Variants in LRFN5 observed in about 807,000 individuals in gnomAD.
LRFN5 encodes leucine rich repeat and fibronectin type III domain containing 5.
LRFN5 carries 24 observed loss-of-function variants against 45.6 expected under a neutral mutation model. That is an observed-to-expected ratio of 0.53 (90% CI 0.38 to 0.74). LRFN5 has a LOEUF of 0.74. LRFN5 is among the 30% of genes least tolerant of loss of function. LRFN5 has a pLI of 0.00. For missense variants in LRFN5, 776 were observed against 861.5 expected, an observed-to-expected ratio of 0.90 and a Z score of 1.24; for synonymous variants, 340 against 313.8, an observed-to-expected ratio of 1.08 and a Z score of -0.88.
chr14:41,689,499 GAAAT>G (rs1490513476), intron 1 of LRFN5, among the ~76,000 whole-genome samples: 5 of 152,186 alleles, frequency 3.3e-5, no homozygotes, highest in Admixed American at 1.3e-4. Context: ...TGACTTAGAT[GAAAT>G]AAATAAATTC....
At chr14:41,657,701 C>T (rs1389918495) in intron 1 of LRFN5, among the ~76,000 whole-genome samples, 1 of 151,898 alleles carries the variant, frequency 6.6e-6, no homozygotes, top group East Asian at 1.9e-4. Flanking sequence ...ACCAAACTAA[C>T]GTACATACCC....
At chr14:41,833,018 C>G (rs1441275288) in intron 2 of LRFN5, among the ~76,000 whole-genome samples, 1 of 152,134 alleles carries the variant, frequency 6.6e-6, no homozygotes, top group Non-Finnish European at 1.5e-5. Flanking sequence ...ATATATTCAA[C>G]CTGTGACCAG....
chr14:41,668,532 C>G (rs2138652746), intron 1 of LRFN5, among the ~76,000 whole-genome samples: 1 of 152,150 alleles, frequency 6.6e-6, no homozygotes, highest in East Asian at 1.9e-4. Flanking sequence ...CCTGGGTCAG[C>G]AAAATCCTCT....
chr14:41,760,310 C>T lies in LRFN5; in HGVS notation c.-196-6544C>T, dbSNP rs911699387. Among the ~76,000 whole-genome samples, 3 of 152,104 alleles carry T rather than the reference C, an allele frequency of 2.0e-5. No individual in the cohort carries two copies. The East Asian group carries it at 5.8e-4, about 29-fold the overall frequency. ...CTATGTTGCGTAGGCTGGGCTTGTT[C>T]TACTGGGCTCAAGCAGTCTTGCCAC... On this transcript the variant is annotated intron_variant, in intron 1 of 5. Coordinates refer to ENST00000298119, the MANE Select transcript of LRFN5 (RefSeq NM_152447.5).
In LRFN5 at chr14:41,760,163, A is replaced by G. The variant is rs1321090663; in HGVS notation, c.-196-6691A>G. ...GTAGGTATACATGAACACAGTAAAA[A>G]TACGGAAAAGTTCAGTTAACATGAT... On this transcript the variant is annotated intron_variant, in intron 1 of 5. Coordinates refer to ENST00000298119, the MANE Select transcript of LRFN5 (RefSeq NM_152447.5). Among the ~76,000 whole-genome samples, 3 of 152,234 alleles carry G rather than the reference A, an allele frequency of 2.0e-5. No homozygotes were observed. The East Asian group carries it at 5.8e-4, about 29-fold the overall frequency.
At chr14:41,697,672 TAGG>T (rs1882671537) in intron 1 of LRFN5, among the ~76,000 whole-genome samples, 1 of 151,252 alleles carries the variant, frequency 6.6e-6, no homozygotes, top group Non-Finnish European at 1.5e-5. Flanking sequence ...TTTTTTTTGA[TAGG>T]AGAGTTTCTT....
chr14:41,803,050 C>T (rs774592415), intron 2 of LRFN5, among the ~76,000 whole-genome samples: 2 of 152,102 alleles, frequency 1.3e-5, no homozygotes, highest in Non-Finnish European at 2.9e-5. Context: ...AAGTGAAGCT[C>T]TTGACCTATA....
rs746771392 is a variant in LRFN5, at chr14:41,887,223, T to C, written c.598T>C (p.Leu200=). 4 of 1,614,172 alleles carry C rather than the reference T, an allele frequency of 2.5e-6. No individual in the cohort carries two copies. Among genetic ancestry groups the C allele is most frequent in the Non-Finnish European group, 3.4e-6 (4 of 1,180,036 alleles). ...TFSHLHKMTR[L]DVTSNKLQKL... ...CTCCCATTTGCACAAGATGACTCGG[T>C]TAGATGTGACATCAAATAAATTGCA... Residue 200 remains leucine, a synonymous_variant, in exon 3 of 6, where the codon TTA becomes CTA. Coordinates refer to ENST00000298119, the MANE Select transcript of LRFN5 (RefSeq NM_152447.5). The surrounding 1 kb of genome is among the most constrained non-coding windows in gnomAD (Gnocchi z 4.8).
rs776397599 is a variant in LRFN5, at chr14:41,904,209, T to A, written c.*34T>A. 2 of 1,609,476 alleles carry A rather than the reference T, an allele frequency of 1.2e-6. No individual in the cohort carries two copies. Among genetic ancestry groups the A allele is most frequent in the East Asian group, 2.2e-5 (1 of 44,804 alleles). On this transcript the variant is annotated 3_prime_UTR_variant, in exon 6 of 6. Coordinates refer to ENST00000298119, the MANE Select transcript of LRFN5 (RefSeq NM_152447.5). ...ACTTCTCCTCTCTCTCCTGAAAAAA[T>A]TTGCCACTGATATTTTTACTGGATA...
intron 2 of LRFN5, among the ~76,000 whole-genome samples, chr14:41,803,220 C>A (rs1395153570): frequency 6.6e-6 from 1 of 152,124 alleles, no homozygotes; most frequent in Non-Finnish European, 1.5e-5. Context: ...CATTAAGATT[C>A]TTTTGATAGC....
chr14:41,885,980 C>A (rs1890555470), intron 2 of LRFN5, among the ~76,000 whole-genome samples: 1 of 132,316 alleles, frequency 7.6e-6, no homozygotes, highest in Admixed American at 8.7e-5. Context: ...AAGATCACGC[C>A]ACTGCACTGC....
rs142227593 is a variant in LRFN5, at chr14:41,662,674, A to G, written c.-197+54112A>G. 2.0e-5 allele frequency among the ~76,000 whole-genome samples: 3 copies of G among 152,094 alleles called. No homozygotes were observed. In the East Asian group the frequency reaches 5.8e-4, roughly 30 times the overall value. ...GGAAAATCAGCTGTACATGGAGTAG[A>G]GGAGAGTGTAAACTACCTGGAACCC... On this transcript the variant is annotated intron_variant, in intron 1 of 5. Coordinates refer to ENST00000298119, the MANE Select transcript of LRFN5 (RefSeq NM_152447.5).
intron 1 of LRFN5, among the ~76,000 whole-genome samples, chr14:41,762,946 G>A (rs1885730753): frequency 6.6e-6 from 1 of 152,060 alleles, no homozygotes; most frequent in African/African-American, 2.4e-5. Flanking sequence ...TGTACTATTA[G>A]GAATTCTAGG....
intron 2 of LRFN5, among the ~76,000 whole-genome samples, chr14:41,858,659 A>G (rs1412875509): frequency 6.6e-6 from 1 of 152,192 alleles, no homozygotes; most frequent in East Asian, 1.9e-4. Flanking sequence ...TCTGAGTCTT[A>G]TCTTCAAAGC....
At chr14:41,839,002 C>G (rs1282503334) in intron 2 of LRFN5, among the ~76,000 whole-genome samples, 1 of 151,976 alleles carries the variant, frequency 6.6e-6, no homozygotes, top group Non-Finnish European at 1.5e-5. Context: ...TTTGTTGTTG[C>G]TTATGTTATA....
intron 2 of LRFN5, among the ~76,000 whole-genome samples, chr14:41,846,646 C>T (rs1300876345): frequency 6.6e-6 from 1 of 152,150 alleles, no homozygotes; most frequent in Non-Finnish European, 1.5e-5. Context: ...ATTTTCTGCA[C>T]TTTCCTATAT....
At chr14:41,782,365 A>G (rs1261763850) in intron 2 of LRFN5, among the ~76,000 whole-genome samples, 1 of 151,694 alleles carries the variant, frequency 6.6e-6, no homozygotes, top group East Asian at 1.9e-4. Context: ...CAATATTTTA[A>G]TTTTTACTCT....
chr14:41,662,465 G>A (rs1006305174), intron 1 of LRFN5, among the ~76,000 whole-genome samples: 3 of 151,894 alleles, frequency 2.0e-5, no homozygotes, highest in African/African-American at 7.3e-5. Flanking sequence ...CTACATGATA[G>A]GACTACAACC....
chr14:41,887,965 T>G lies in LRFN5; in HGVS notation c.1340T>G (p.Phe447Cys). ...AGAAATATCCCTGGAATACGTATGTTTCAAATCCAGTACAATGGTACTTAT... is the reference window on the plus strand; with the variant it reads ...AGAAATATCCCTGGAATACGTATGTGTCAAATCCAGTACAATGGTACTTAT... ...FQRNIPGIRM[F>C]QIQYNGTYDD... The change falls in exon 3 of 6, where the codon TTT (phenylalanine) becomes TGT (cysteine). Residue 447 changes from phenylalanine (F) to cysteine (C), a missense_variant. Physicochemically the swap from Phe to Cys is radical, Grantham distance 205. Transcript: ENST00000298119. This position sits in a 1 kb window ranked among gnomAD's most constrained non-coding sequence, Gnocchi z 4.8. 6.2e-7 allele frequency: 1 copy of G among 1,613,306 alleles called. No homozygotes were observed. The highest frequency in any genetic ancestry group is 8.5e-7 in the Non-Finnish European group (1 of 1,179,608).
Sources: allele counts gnomAD v4.1 joint callset (sites outside exome capture counted in the v4.1 genomes callset), GRCh38; gene constraint gnomAD v4.1.1; non-coding constraint Gnocchi (gnomAD v3.1); transcripts MANE v1.5; gene names NCBI Gene and HGNC (gene_info 2026-07-23, HGNC 2026-07-21).